The following EAF2 variants were observed in gnomAD, a reference collection of about 807,000 sequenced individuals.
The protein encoded by EAF2 is ELL-associated factor 2.
In EAF2, 29 loss-of-function variants were observed where a neutral mutation model predicts 29.4. That is an observed-to-expected ratio of 0.99 (90% CI 0.73 to 1.35). The LOEUF (loss-of-function observed/expected upper bound fraction) is 1.35, where lower values mean the gene tolerates loss of function less well. Ranked by LOEUF, EAF2 falls within the 40% of genes most tolerant of loss-of-function variation. The pLI, the probability that EAF2 is intolerant of heterozygous loss-of-function variation, is 0.00. For synonymous variants in EAF2, 103 were observed against 102.5 expected, an observed-to-expected ratio of 1.00 and a Z score of -0.03; for missense variants, 292 against 312.0, an observed-to-expected ratio of 0.94 and a Z score of 0.48.
chr3:121,840,064 A>T (rs13096164), intron 1 of EAF2, among the ~76,000 whole-genome samples: 4 of 150,878 alleles, frequency 2.7e-5, no homozygotes, highest in Non-Finnish European at 5.9e-5. Flanking sequence ...TGGTGGCGGG[A>T]GCCCGTAATC....
At chr3:121,880,551 G>A (rs1457258161) in intron 5 of EAF2, among the ~76,000 whole-genome samples, 1 of 151,586 alleles carries the variant, frequency 6.6e-6, no homozygotes, top group Non-Finnish European at 1.5e-5. Context: ...TTATAGAAAT[G>A]CCAATAATTT....
In EAF2 at chr3:121,852,111, G is replaced by T. The variant is rs564207779; in HGVS notation, c.202-2576G>T. Among the ~76,000 whole-genome samples the T allele has an allele frequency of 2.0e-5, 3 of 152,214 alleles. No homozygotes were observed. The South Asian group carries it at 6.2e-4, about 32-fold the overall frequency. On this transcript the variant is annotated intron_variant, in intron 2 of 5. Transcript: ENST00000273668. ...ATATTATTCATATTTAACCTTCATT[G>T]AATATTTATAAAGGTCTTGATACTT...
chr3:121,885,112 A>G (rs1709262078), intron 5 of EAF2, among the ~76,000 whole-genome samples: 1 of 152,206 alleles, frequency 6.6e-6, no homozygotes, highest in South Asian at 2.1e-4. Flanking sequence ...TTTTTCTTCT[A>G]CAACCATGTT....
chr3:121,883,268 G>T (rs1709221832), intron 5 of EAF2, among the ~76,000 whole-genome samples: 1 of 152,060 alleles, frequency 6.6e-6, no homozygotes, highest in South Asian at 2.1e-4. Flanking sequence ...TTAAAAAATT[G>T]CGTCTACAGC....
chr3:121,851,366 A>G (rs2107511985), intron 2 of EAF2, among the ~76,000 whole-genome samples: 1 of 151,276 alleles, frequency 6.6e-6, no homozygotes, highest in East Asian at 2.0e-4. Flanking sequence ...TTTTTTGTGG[A>G]CACAGGTTGT....
At position 121,872,756 on chromosome 3, in the gene EAF2, G is replaced by A. The variant is rs745851836; in HGVS notation, c.704G>A (p.Arg235Gln). 17 of 1,611,938 alleles carry A rather than the reference G, an allele frequency of 1.1e-5. No individual in the cohort carries two copies. In the East Asian group the frequency reaches 1.3e-4, roughly 13 times the overall value. The change falls in exon 5 of 6, where the codon CGA becomes CAA. Residue 235 changes from arginine to glutamine, a missense_variant. Arg to Gln is a conservative substitution (Grantham distance 43, BLOSUM62 1). Coordinates refer to ENST00000273668, the MANE Select transcript of EAF2 (RefSeq NM_018456.6). ...ATAGATGCCAGTCATAATAGATTTC[G>A]AGACAACAGTGGCCTTCTGATGAAT... ...PDIDASHNRF[R>Q]DNSGLLMNTL... is the part of the protein sequence containing the mutation.
intron 5 of EAF2, among the ~76,000 whole-genome samples, chr3:121,884,059 C>T (rs939952113): frequency 2.0e-5 from 3 of 152,092 alleles, no homozygotes; most frequent in African/African-American, 7.2e-5. Context: ...TGAAATGCAT[C>T]AGGCAAGGTG....
At position 121,875,079 on chromosome 3, in the gene EAF2, A is replaced by G. The variant is rs141813733; in HGVS notation, c.736+2291A>G. ...ATAATCATAACTTTCAGGGAAAGTT[A>G]TAATAATATAATCAGAACTTTTAAT... On this transcript the variant is annotated intron_variant, in intron 5 of 5. Coordinates refer to ENST00000273668, the MANE Select transcript of EAF2 (RefSeq NM_018456.6). Among the ~76,000 whole-genome samples the G allele has an allele frequency of 1.9e-3, 293 of 152,046 alleles. 3 individuals carry two copies. Among genetic ancestry groups the G allele is most frequent in the African/African-American group, 6.8e-3 (282 of 41,550 alleles).
At chr3:121,881,650 C>T (rs1165388966) in intron 5 of EAF2, among the ~76,000 whole-genome samples, 1 of 151,964 alleles carries the variant, frequency 6.6e-6, no homozygotes, top group Non-Finnish European at 1.5e-5. Context: ...GCTGGTACTA[C>T]AGGCGCATGC....
At chr3:121,841,183 A>G (rs1019119485) in intron 1 of EAF2, among the ~76,000 whole-genome samples, 3 of 152,200 alleles carry the variant, frequency 2.0e-5, no homozygotes, top group Admixed American at 2.0e-4. Flanking sequence ...ATTGATGAGC[A>G]GAACTTTGAA....
At chr3:121,843,497 G>T (rs1291410180) in intron 1 of EAF2, among the ~76,000 whole-genome samples, 1 of 152,030 alleles carries the variant, frequency 6.6e-6, no homozygotes, top group Non-Finnish European at 1.5e-5. Context: ...TTGGTTGGTG[G>T]TTACATGTGT....
chr3:121,878,475 T>C (rs576808164), intron 5 of EAF2, among the ~76,000 whole-genome samples: 8 of 152,302 alleles, frequency 5.3e-5, no homozygotes, highest in African/African-American at 1.9e-4. Context: ...ATAGTCATCC[T>C]ACTGTGCTAT....
intron 1 of EAF2, among the ~76,000 whole-genome samples, chr3:121,841,878 C>T (rs1405603091): frequency 3.9e-5 from 6 of 152,050 alleles, no homozygotes; most frequent in East Asian, 1.9e-4. Flanking sequence ...TGGTGGTGCA[C>T]GCCCGTAATC....
At chr3:121,873,726 A>G (rs901237431) in intron 5 of EAF2, among the ~76,000 whole-genome samples, 1 of 151,878 alleles carries the variant, frequency 6.6e-6, no homozygotes, top group Non-Finnish European at 1.5e-5. Flanking sequence ...TTTTGCCACT[A>G]TATTCAAATA....
At chr3:121,843,403 G>T (rs1253067977) in intron 1 of EAF2, among the ~76,000 whole-genome samples, 1 of 151,996 alleles carries the variant, frequency 6.6e-6, no homozygotes, top group Non-Finnish European at 1.5e-5. Context: ...GGGCCTTTTT[G>T]TTAATATGAA....
chr3:121,881,551 C>T (rs1271821205), intron 5 of EAF2, among the ~76,000 whole-genome samples: 1 of 151,862 alleles, frequency 6.6e-6, no homozygotes, highest in Non-Finnish European at 1.5e-5. Context: ...ACTCTGTTGC[C>T]CAGGCTGGAG....
intron 1 of EAF2, among the ~76,000 whole-genome samples, chr3:121,840,486 T>G: frequency 2.1e-5 from 1 of 47,816 alleles, no homozygotes; most frequent in Non-Finnish European, 3.5e-5. Context: ...GGAGACTTCG[T>G]CTAAAAAAAA....
intron 4 of EAF2, among the ~76,000 whole-genome samples, chr3:121,865,681 T>A (rs561933365): frequency 2.0e-5 from 3 of 151,792 alleles, no homozygotes; most frequent in South Asian, 2.1e-4. Flanking sequence ...AATATTTTTT[T>A]AAAAAAGAAA....
At chr3:121,858,402 C>A (rs1436010778) in intron 4 of EAF2, among the ~76,000 whole-genome samples, 1 of 152,226 alleles carries the variant, frequency 6.6e-6, no homozygotes, top group Non-Finnish European at 1.5e-5. Flanking sequence ...TTTTGATTTG[C>A]ATTTCTCTGA....
Sources: allele counts gnomAD v4.1 joint callset (sites outside exome capture counted in the v4.1 genomes callset), GRCh38; gene constraint gnomAD v4.1.1; transcripts MANE v1.5; gene names NCBI Gene and HGNC (gene_info 2026-07-23, HGNC 2026-07-21).